TLN2: variants seen among roughly 807,000 people sequenced by gnomAD.
TLN2 encodes talin 2.
Under a neutral mutation model 294.7 loss-of-function variants are expected in TLN2, and 118 were observed. That is an observed-to-expected ratio of 0.40 (90% CI 0.34 to 0.47). TLN2 has a LOEUF of 0.47. Ranked by LOEUF, TLN2 falls within the 20% of genes least tolerant of loss-of-function variation. The pLI is 0.84. For missense variants in TLN2, 3,083 were observed against 3,282.2 expected, an observed-to-expected ratio of 0.94 and a Z score of 1.48; for synonymous variants, 1,431 against 1,304.5, an observed-to-expected ratio of 1.10 and a Z score of -2.09.
intron 1 of TLN2, among the ~76,000 whole-genome samples, chr15:62,564,921 A>ATATATATATAT (rs1160315259): frequency 9.4e-4 from 106 of 113,156 alleles, no homozygotes; most frequent in African/African-American, 2.8e-3. Context: ...AAAAAAAAAA[A>ATATATATATAT]AAAAATATAT....
At chr15:62,456,128 GC>G (rs2036465527) in intron 1 of TLN2, among the ~76,000 whole-genome samples, 1 of 151,316 alleles carries the variant, frequency 6.6e-6, no homozygotes, top group Non-Finnish European at 1.5e-5. Flanking sequence ...ACAAGTAACA[GC>G]CCTGATCGTC....
rs2053389487 is a variant in TLN2 at position 62,657,786 on chromosome 15, C to G, written c.676C>G (p.Leu226Val). The change falls in exon 9 of 59, where the codon CTG becomes GTG. Residue 226 changes from leucine (L) to valine (V), a missense_variant. Leu to Val is a conservative substitution (Grantham distance 32). Transcript: ENST00000636159. ...LLYVQARDDI[L>V]NGSHPVSFEK... ...TGTGTTTCAGGCACGGGATGACATCCTGAATGGCTCTCACCCTGTCTCCTT... is the reference window on the plus strand; with the variant it reads ...TGTGTTTCAGGCACGGGATGACATCGTGAATGGCTCTCACCCTGTCTCCTT... The G allele has an allele frequency of 1.2e-6, 2 of 1,612,232 alleles. No individual in the cohort carries two copies. Among genetic ancestry groups the G allele is most frequent in the African/African-American group, 2.7e-5 (2 of 74,816 alleles).
At chr15:62,817,814 C>CTTTTTTTTT (rs1179496167) in intron 52 of TLN2, among the ~76,000 whole-genome samples, 5 of 115,740 alleles carry the variant, frequency 4.3e-5, no homozygotes, top group African/African-American at 6.7e-5. Flanking sequence ...TCCATTCTAT[C>CTTTTTTTTT]TTTTTTTTTT....
chr15:62,612,672 T>G (rs2048009366), intron 2 of TLN2, among the ~76,000 whole-genome samples: 1 of 152,200 alleles, frequency 6.6e-6, no homozygotes, highest in Non-Finnish European at 1.5e-5. Context: ...AAAAGCAATT[T>G]GTTAAAAATA....
intron 1 of TLN2, among the ~76,000 whole-genome samples, chr15:62,397,625 C>T (rs2140230014): frequency 6.6e-6 from 1 of 152,284 alleles, no homozygotes; most frequent in South Asian, 2.1e-4. Context: ...TCCAGAATCT[C>T]AACCCACTGG....
At chr15:62,465,720 G>A (rs2140350970) in intron 1 of TLN2, among the ~76,000 whole-genome samples, 1 of 152,324 alleles carries the variant, frequency 6.6e-6, no homozygotes, top group African/African-American at 2.4e-5. Context: ...TGGTTGCAAA[G>A]TATTATGAAA....
chr15:62,684,006 G>C (rs1170863668), intron 11 of TLN2: 1 of 152,348 alleles, frequency 6.6e-6, no homozygotes, highest in Non-Finnish European at 1.5e-5. Flanking sequence ...TCTGCGTTTT[G>C]TGTGTAGGTG....
At position 62,795,991 on chromosome 15, in the gene TLN2, C is replaced by T. The variant is rs1044818418; in HGVS notation, c.5884-136C>T. ...GCAAAGCTGGTATCCAGACTGAGGC[C>T]GTTGACTCCAGATGTGTGTTGTTAA... On this transcript the variant is annotated intron_variant, in intron 46 of 58. Transcript: ENST00000636159. The T allele has an allele frequency of 2.6e-5, 29 of 1,134,552 alleles. No homozygotes were observed. The African/African-American group carries it at 2.7e-4, about 10-fold the overall frequency. The allele number at this position is 1,134,552 out of a possible 1,614,324, so 70.3% of individuals were successfully genotyped here. A position where few individuals can be genotyped will look rare whatever the true frequency, so the allele number is the denominator to read the frequency against.
At chr15:62,498,168 A>G (rs940686671) in intron 1 of TLN2, among the ~76,000 whole-genome samples, 5 of 147,020 alleles carry the variant, frequency 3.4e-5, no homozygotes, top group Admixed American at 6.8e-5. Flanking sequence ...AAAAAAAAAA[A>G]AAAAAAGAAA....
chr15:62,776,967 CG>C (rs2063761096), intron 43 of TLN2, 57 bp downstream of exon 43: 1 of 1,358,980 alleles, frequency 7.4e-7, no homozygotes, highest in South Asian at 2.2e-5. Flanking sequence ...ATGGGCCTCG[CG>C]TGCTTTTCTC....
chr15:62,601,059 A>G (rs1362534902), intron 2 of TLN2, among the ~76,000 whole-genome samples: 1 of 152,116 alleles, frequency 6.6e-6, no homozygotes, highest in Non-Finnish European at 1.5e-5. Context: ...CTTCTTCTCT[A>G]TCTCTCCATA....
chr15:62,833,230 T>A lies in TLN2; in HGVS notation c.7003-274T>A, dbSNP rs1263574436. On this transcript the variant is annotated intron_variant, in intron 54 of 58. Coordinates refer to ENST00000636159, the MANE Select transcript of TLN2 (RefSeq NM_015059.3). ...ATACAAAGAAAACTATTGCTGTGCCTGGCCATTGTCTCTTAATGCCTGAAA... is the reference window on the plus strand; with the variant it reads ...ATACAAAGAAAACTATTGCTGTGCCAGGCCATTGTCTCTTAATGCCTGAAA... The A allele has an allele frequency of 1.5e-5, 6 of 387,776 alleles. No individual in the cohort carries two copies. The East Asian group carries it at 2.8e-4, about 18-fold the overall frequency. 24.0% of individuals were successfully genotyped at this position (387,776 alleles called of 1,614,324 possible). A position where few individuals can be genotyped will look rare whatever the true frequency, so the allele number is the denominator to read the frequency against.
intron 11 of TLN2, among the ~76,000 whole-genome samples, chr15:62,678,376 A>C (rs909677068): frequency 6.6e-6 from 1 of 152,250 alleles, no homozygotes; most frequent in African/African-American, 2.4e-5. Context: ...ATATCATATA[A>C]CTATTTTATA....
At chr15:62,563,746 C>T (rs1435301494) in intron 1 of TLN2, among the ~76,000 whole-genome samples, 1 of 152,224 alleles carries the variant, frequency 6.6e-6, no homozygotes, top group African/African-American at 2.4e-5. Context: ...CCGTTGGGCA[C>T]AGTGACCTGT....
chr15:62,748,639 G>C (rs1026090712), intron 33 of TLN2, among the ~76,000 whole-genome samples, 195 bp downstream of exon 33: 1 of 152,224 alleles, frequency 6.6e-6, no homozygotes, highest in Non-Finnish European at 1.5e-5. Context: ...AAACTGAAGA[G>C]AAACTAGATT....
intron 3 of TLN2, chr15:62,638,434 C>T: frequency 2.4e-6 from 1 of 425,230 alleles, no homozygotes; most frequent in Non-Finnish European, 4.7e-6. Context: ...GATGGAATTC[C>T]AGGTGCCAGT....
At chr15:62,743,147 A>C (rs888528179) in intron 32 of TLN2, among the ~76,000 whole-genome samples, 1 of 152,150 alleles carries the variant, frequency 6.6e-6, no homozygotes, top group Non-Finnish European at 1.5e-5. Context: ...ACAGTCCTGC[A>C]TAAAAGTGCA....
rs1234214533 is a variant in TLN2 at position 62,819,515 on chromosome 15, G to T, written c.6772-1G>T. On this transcript the variant is annotated splice_acceptor_variant, in intron 52 of 58. Coordinates refer to ENST00000636159, the MANE Select transcript of TLN2 (RefSeq NM_015059.3). LOFTEE classifies it high-confidence loss of function. Reference sequence around the variant, plus strand: ...GCCTCTGACTTGTTCTTCACCTGTAGATTCTTCAGAAACCAACCCCAGAAT... The same window carrying T: ...GCCTCTGACTTGTTCTTCACCTGTATATTCTTCAGAAACCAACCCCAGAAT... The T allele has an allele frequency of 6.2e-7, 1 of 1,613,822 alleles. No homozygotes were observed. Among genetic ancestry groups the T allele is most frequent in the Admixed American group, 1.7e-5 (1 of 60,018 alleles).
chr15:62,564,333 TG>T (rs899573580), intron 1 of TLN2, among the ~76,000 whole-genome samples: 2 of 152,060 alleles, frequency 1.3e-5, no homozygotes, highest in Non-Finnish European at 2.9e-5. Flanking sequence ...GGTGTGCCCG[TG>T]GGGTGGAGGT....
Sources: gnomAD v4.1 joint callset for allele counts (sites outside exome capture counted in the v4.1 genomes callset) on GRCh38, gnomAD v4.1.1 for gene constraint, MANE v1.5 for transcripts, NCBI Gene and HGNC (gene_info 2026-07-23, HGNC 2026-07-21) for gene names.